The following PRIMPOL variants were observed in gnomAD, a reference collection of about 807,000 sequenced individuals.
PRIMPOL encodes the protein DNA-directed primase/polymerase protein.
In PRIMPOL, 54 loss-of-function variants were observed where a neutral mutation model predicts 63.6. The ratio of observed to expected loss-of-function variants is 0.85; its 90% CI spans 0.68 to 1.07. The LOEUF is 1.07. Ranked by LOEUF, PRIMPOL falls within the 50% of genes least tolerant of loss-of-function variation. PRIMPOL has a pLI of 0.00. For synonymous variants in PRIMPOL, 197 were observed against 220.2 expected, an observed-to-expected ratio of 0.89 and a Z score of 0.93; for missense variants, 610 against 648.3, an observed-to-expected ratio of 0.94 and a Z score of 0.64.
intron 11 of PRIMPOL, chr4:184,691,279 G>GTGAGTACA: frequency 2.1e-6 from 1 of 465,360 alleles, no homozygotes; most frequent in South Asian, 3.9e-5. Flanking sequence ...CATCTTCCTG[G>GTGAGTACA]GGGAACTTTC....
intron 2 of PRIMPOL, among the ~76,000 whole-genome samples, chr4:184,655,838 A>C (rs750211029): frequency 6.6e-6 from 1 of 152,234 alleles, no homozygotes; most frequent in Non-Finnish European, 1.5e-5. Flanking sequence ...TGTTTTCCAC[A>C]TAGGTAAATT....
rs181155686 is a variant in PRIMPOL, at chr4:184,677,658, G to A, written c.845-574G>A. Among the ~76,000 whole-genome samples, 4 of 152,262 alleles carry A rather than the reference G, an allele frequency of 2.6e-5. No homozygotes were observed. In the East Asian group the frequency reaches 7.7e-4, roughly 29 times the overall value. On this transcript the variant is annotated intron_variant, in intron 7 of 13. Coordinates refer to ENST00000314970, the MANE Select transcript of PRIMPOL (RefSeq NM_152683.4). ...TCCATTTAAATTTTAGAGTCAGTTT[G>A]CCGGTTTACACAAACAAATCCTGCT...
intron 2 of PRIMPOL, among the ~76,000 whole-genome samples, chr4:184,653,826 G>C (rs760888998): frequency 7.2e-5 from 11 of 152,166 alleles, no homozygotes; most frequent in Non-Finnish European, 1.3e-4. Context: ...TATTCCCCCA[G>C]AGGGGAGGGA....
At chr4:184,670,010 T>A (rs139194207) in intron 6 of PRIMPOL, among the ~76,000 whole-genome samples, 4 of 152,354 alleles carry the variant, frequency 2.6e-5, no homozygotes, top group African/African-American at 4.8e-5. Context: ...AATACTCTTC[T>A]GCCAGTTTGC....
intron 11 of PRIMPOL, among the ~76,000 whole-genome samples, chr4:184,687,286 G>T (rs1757233418): frequency 6.6e-6 from 1 of 152,136 alleles, no homozygotes; most frequent in South Asian, 2.1e-4. Context: ...GGCTGGGCTG[G>T]TCTCAAACTC....
chr4:184,678,902 C>T (rs1561045220), intron 8 of PRIMPOL, among the ~76,000 whole-genome samples: 1 of 152,118 alleles, frequency 6.6e-6, no homozygotes, highest in Non-Finnish European at 1.5e-5. Context: ...TATATTTGAA[C>T]ACTTAATTTT....
At chr4:184,664,947 A>C (rs1358550945) in intron 5 of PRIMPOL, among the ~76,000 whole-genome samples, 6 of 152,254 alleles carry the variant, frequency 3.9e-5, no homozygotes, top group Non-Finnish European at 7.3e-5. Flanking sequence ...AGAAGAGTAA[A>C]GCCAGAGGGC....
chr4:184,689,600 C>A (rs532654779), intron 11 of PRIMPOL, among the ~76,000 whole-genome samples: 9 of 151,858 alleles, frequency 5.9e-5, no homozygotes, highest in Non-Finnish European at 1.2e-4. Flanking sequence ...TTACAGGTGC[C>A]CACCGCCACG....
At chr4:184,659,470 C>G in intron 4 of PRIMPOL, 33 bp downstream of exon 4, 1 of 1,444,554 alleles carries the variant, frequency 6.9e-7, no homozygotes, top group Non-Finnish European at 9.7e-7. Context: ...ACACATTAAG[C>G]TAGAGTTCCA....
intron 6 of PRIMPOL, among the ~76,000 whole-genome samples, chr4:184,670,985 A>G (rs1751453282): frequency 8.7e-6 from 1 of 115,222 alleles, no homozygotes; most frequent in Admixed American, 8.3e-5. Context: ...CTACAGATTA[A>G]AATTAAATTT....
chr4:184,654,182 G>A (rs894423026), intron 2 of PRIMPOL, among the ~76,000 whole-genome samples: 8 of 152,138 alleles, frequency 5.3e-5, no homozygotes, highest in Admixed American at 1.3e-4. Flanking sequence ...TCAGTGTCAC[G>A]AAGTACGAAT....
At position 184,693,659 on chromosome 4, in the gene PRIMPOL, CAAG is replaced by C. The variant is rs534507625; in HGVS notation, c.1426-860_1426-858del. Among the ~76,000 whole-genome samples the C allele has an allele frequency of 2.8e-3, 429 of 152,246 alleles. 3 individuals carry two copies. Among genetic ancestry groups the C allele is most frequent in the Non-Finnish European group, 2.5e-3 (169 of 68,020 alleles). On this transcript the variant is annotated intron_variant, in intron 13 of 13. Coordinates refer to ENST00000314970, the MANE Select transcript of PRIMPOL (RefSeq NM_152683.4). ...TAAAGGCCTAACCTACAGAAATGTACAAGAATAAGGAACTCTGCTGTCTGTCCT... is the reference window on the plus strand; with the variant it reads ...TAAAGGCCTAACCTACAGAAATGTACAATAAGGAACTCTGCTGTCTGTCCT...
chr4:184,690,634 A>G (rs1758269836), intron 11 of PRIMPOL, among the ~76,000 whole-genome samples: 1 of 151,852 alleles, frequency 6.6e-6, no homozygotes, highest in African/African-American at 2.4e-5. Flanking sequence ...TAATTTTTGT[A>G]TTTTCAGTAT....
Position 184,672,165 on chromosome 4 carries a change from T to C in PRIMPOL, c.557-8T>C. On this transcript the variant is annotated splice_region_variant and splice_polypyrimidine_tract_variant and intron_variant, in intron 6 of 13. Coordinates refer to ENST00000314970, the MANE Select transcript of PRIMPOL (RefSeq NM_152683.4). ...ATCCAGGTGAATGATAATAGCTTTT[T>C]TCCTTAGGTAATTTTTTGAGAAAAA... 1 of 1,604,106 alleles carries C rather than the reference T, an allele frequency of 6.2e-7. No individual in the cohort carries two copies. Among genetic ancestry groups the C allele is most frequent in the Non-Finnish European group, 8.5e-7 (1 of 1,176,138 alleles).
chr4:184,669,675 T>A (rs1751044033), intron 6 of PRIMPOL, among the ~76,000 whole-genome samples: 1 of 152,180 alleles, frequency 6.6e-6, no homozygotes, highest in African/African-American at 2.4e-5. Context: ...CATTGTATAG[T>A]CAAAGGTAAG....
chr4:184,682,395 C>A, intron 9 of PRIMPOL, 59 bp downstream of exon 9: 1 of 945,346 alleles, frequency 1.1e-6, no homozygotes, highest in Non-Finnish European at 1.7e-6. Flanking sequence ...GTCACCCAGG[C>A]TGGAGTGCAG....
chr4:184,685,951 G>C (rs1756885444), intron 11 of PRIMPOL, among the ~76,000 whole-genome samples: 1 of 152,008 alleles, frequency 6.6e-6, no homozygotes, highest in Non-Finnish European at 1.5e-5. Flanking sequence ...ACAGGCGCCT[G>C]CCACTACACC....
intron 1 of PRIMPOL, 127 bp from the exon 2 acceptor site, chr4:184,651,896 A>G (rs2720386): frequency 0.96 from 146,792 of 152,232 alleles, 71,029 homozygotes; most frequent in East Asian, 1. Flanking sequence ...TGATCCACCC[A>G]CCTCGGCCTC....
chr4:184,671,954 A>C (rs1367180903), intron 6 of PRIMPOL, among the ~76,000 whole-genome samples: 1 of 151,942 alleles, frequency 6.6e-6, no homozygotes, highest in Non-Finnish European at 1.5e-5. Context: ...GTTAACCAGG[A>C]TGGTCTCGAT....
Sources: allele counts gnomAD v4.1 joint callset (sites outside exome capture counted in the v4.1 genomes callset), GRCh38; gene constraint gnomAD v4.1.1; transcripts MANE v1.5; gene names NCBI Gene and HGNC (gene_info 2026-07-23, HGNC 2026-07-21).